The following NEB variants were observed in gnomAD, a reference collection of about 807,000 sequenced individuals.
NEB encodes nemaline myopathy type 2.
Under a neutral mutation model 952.2 loss-of-function variants are expected in NEB, and 512 were observed. The ratio of observed to expected loss-of-function variants is 0.54; its 90% CI spans 0.50 to 0.58. The LOEUF (loss-of-function observed/expected upper bound fraction) is 0.58, where lower values mean the gene tolerates loss of function less well. Among genes scored for constraint, NEB ranks in the 20% least tolerant of loss-of-function variants. The probability of loss-of-function intolerance (pLI) is 0.00; values close to 1 mark genes in which losing one functional copy is unlikely to be tolerated. For synonymous variants in NEB, 2,900 were observed against 3,149.8 expected, an observed-to-expected ratio of 0.92 and a Z score of 2.66; for missense variants, 8,428 against 9,231.1, an observed-to-expected ratio of 0.91 and a Z score of 3.56.
At position 151,694,521 on chromosome 2, in the gene NEB, C is replaced by T; in HGVS notation, c.1782+1G>A. The T allele has an allele frequency of 6.2e-7, 1 of 1,613,686 alleles. No homozygotes were observed. Among genetic ancestry groups the T allele is most frequent in the South Asian group, 1.1e-5 (1 of 91,062 alleles). ...TGTCCAGGTCCCCAGGCCACACTCACATCGCTGGTGTTCTTGGTGTTGGCT... is the reference window on the plus strand; with the variant it reads ...TGTCCAGGTCCCCAGGCCACACTCATATCGCTGGTGTTCTTGGTGTTGGCT... On this transcript the variant is annotated splice_donor_variant, in intron 19 of 181. Coordinates refer to ENST00000397345, the MANE Select transcript of NEB (RefSeq NM_001164508.2). LOFTEE classifies it high-confidence loss of function.
intron 13 of NEB, among the ~76,000 whole-genome samples, chr2:151,703,050 G>A (rs2099682886): frequency 6.6e-6 from 1 of 151,480 alleles, no homozygotes; most frequent in South Asian, 2.1e-4. Context: ...TTTAGGGCAG[G>A]CCTGGTGGTG....
chr2:151,724,470 C>CA, intron 7 of NEB, 106 bp from the exon 8 acceptor site: 1 of 801,896 alleles, frequency 1.2e-6, no homozygotes, highest in Non-Finnish European at 2.1e-6. Flanking sequence ...CAGAGGTTGC[C>CA]AATGGGTTAC....
At chr2:151,636,765 G>T (rs543954741) in intron 63 of NEB, among the ~76,000 whole-genome samples, 26 of 151,268 alleles carry the variant, frequency 1.7e-4, no homozygotes, top group Non-Finnish European at 1.6e-4. Context: ...TGGGCAACAA[G>T]AGTGAAACTC....
intron 153 of NEB, among the ~76,000 whole-genome samples, chr2:151,522,933 C>T (rs1006818993): frequency 7.9e-5 from 12 of 152,154 alleles, no homozygotes; most frequent in African/African-American, 1.7e-4. Flanking sequence ...GCTGTCAATC[C>T]GGAGACCAGC....
At position 151,697,337 on chromosome 2, in the gene NEB, T is replaced by G; in HGVS notation, c.1365+13A>C. 1 of 1,612,236 alleles carries G rather than the reference T, an allele frequency of 6.2e-7. No homozygotes were observed. The highest frequency in any genetic ancestry group is 8.5e-7 in the Non-Finnish European group (1 of 1,178,272). On this transcript the variant is annotated intron_variant, in intron 15 of 181. Coordinates refer to ENST00000397345, the MANE Select transcript of NEB (RefSeq NM_001164508.2). ...TGTTATTTGGAAAGTCAAACAATTGTCTTAGAACTTACATCACTGTTTTGA... is the reference window on the plus strand; with the variant it reads ...TGTTATTTGGAAAGTCAAACAATTGGCTTAGAACTTACATCACTGTTTTGA...
rs370599158 is a variant in NEB, at chr2:151,506,159, T to G, written c.23649+7A>C. ...AAATATTGCAAGTGCATTCACTGTGTCTTTACCGAGCTAATGTGGTCCTGT... is the reference window on the plus strand; with the variant it reads ...AAATATTGCAAGTGCATTCACTGTGGCTTTACCGAGCTAATGTGGTCCTGT... On this transcript the variant is annotated splice_region_variant and intron_variant, in intron 164 of 181. Coordinates refer to ENST00000397345, the MANE Select transcript of NEB (RefSeq NM_001164508.2). 2.5e-6 allele frequency: 4 copies of G among 1,601,060 alleles called. No homozygotes were observed. Among genetic ancestry groups the G allele is most frequent in the African/African-American group, 1.3e-5 (1 of 74,618 alleles).
At chr2:151,640,145 C>T in intron 61 of NEB, 85 bp from the exon 62 acceptor site, 2 of 1,517,270 alleles carry the variant, frequency 1.3e-6, no homozygotes, top group Non-Finnish European at 1.8e-6. Context: ...AGTAAAAGCA[C>T]TCTCAAAATT....
At chr2:151,564,744 A>G (rs2096277947) in intron 117 of NEB, among the ~76,000 whole-genome samples, 1 of 152,132 alleles carries the variant, frequency 6.6e-6, no homozygotes, top group Non-Finnish European at 1.5e-5. Context: ...TTATTATTCT[A>G]TCAATTTAAG....
Position 151,644,072 on chromosome 2 carries a change from T to A in NEB, c.7702A>T (p.Ile2568Phe). The change falls in exon 57 of 182, where the codon ATT becomes TTT. Residue 2568 changes from isoleucine (I) to phenylalanine (F), a missense_variant. This residue lies in a region of NEB where 1,772 missense variants were observed against 1,960.3 expected (regional missense o/e 0.90). Coordinates refer to ENST00000397345, the MANE Select transcript of NEB (RefSeq NM_001164508.2). ...QLGHHIGARN[I>F]EDDPKMMWSM... is the part of the protein sequence containing the mutation. ...CACATCATCTTGGGGTCATCTTCAA[T>A]GTTCCGGGCACCAATGTGGTGGCCG... 6.2e-7 allele frequency: 1 copy of A among 1,614,002 alleles called. No individual in the cohort carries two copies.
rs1157538237 is a variant in NEB at position 151,501,372 on chromosome 2, A to AGAGCTTTCTCCCAAATACC, written c.24021_24021+18dup. 6.8e-7 allele frequency: 1 copy of AGAGCTTTCTCCCAAATACC among 1,470,406 alleles called. No individual in the cohort carries two copies. Among genetic ancestry groups the AGAGCTTTCTCCCAAATACC allele is most frequent in the African/African-American group, 1.4e-5 (1 of 71,266 alleles). The allele number at this position is 1,470,406 out of a possible 1,614,324, so 91.1% of individuals were successfully genotyped here. The stretch of plus-strand genomic sequence containing the variant: ...TTATTATTTTTTAATATGGAGTTAA[A>AGAGCTTTCTCCCAAATACC]GAGCTTTCTCCCAAATACCGAGCTA... On this transcript the variant is annotated intron_variant, in intron 168 of 181. Coordinates refer to ENST00000397345, the MANE Select transcript of NEB (RefSeq NM_001164508.2).
At chr2:151,492,526 C>T in intron 176 of NEB, 32 bp from the exon 177 acceptor site, 6 of 1,495,330 alleles carry the variant, frequency 4.0e-6, no homozygotes, top group Non-Finnish European at 5.6e-6. Context: ...ATGAGTGGTG[C>T]TGTCCTAAAT....
At chr2:151,631,833 A>G (rs1339696022) in intron 65 of NEB, among the ~76,000 whole-genome samples, 2 of 152,242 alleles carry the variant, frequency 1.3e-5, no homozygotes, top group African/African-American at 4.8e-5. Flanking sequence ...ATGTGGGTAG[A>G]TAAATTACAT....
At chr2:151,707,389 C>A (rs1180505475) in intron 12 of NEB, among the ~76,000 whole-genome samples, 1 of 152,152 alleles carries the variant, frequency 6.6e-6, no homozygotes, top group East Asian at 1.9e-4. Context: ...TCACTCAGCT[C>A]TCAACCCCCA....
At chr2:151,513,967 A>T (rs557237512) in intron 159 of NEB, among the ~76,000 whole-genome samples, 3 of 152,362 alleles carry the variant, frequency 2.0e-5, no homozygotes, top group African/African-American at 7.2e-5. Flanking sequence ...TAGAGTATAA[A>T]GTAAATTGTA....
At chr2:151,527,689 A>C in intron 146 of NEB, 104 bp from the exon 147 acceptor site, 1 of 752,178 alleles carries the variant, frequency 1.3e-6, no homozygotes, top group Non-Finnish European at 2.2e-6. Flanking sequence ...ATCTCAAATC[A>C]TGATTCCTAA....
intron 24 of NEB, 88 bp downstream of exon 24, chr2:151,690,639 C>A: frequency 1.1e-6 from 1 of 912,432 alleles, no homozygotes; most frequent in Non-Finnish European, 1.8e-6. Flanking sequence ...GGTAGATGAG[C>A]CCATGAAGAT....
At chr2:151,695,704 T>C (rs2099591222) in intron 17 of NEB, 22 bp from the exon 18 acceptor site, 4 of 1,534,810 alleles carry the variant, frequency 2.6e-6, no homozygotes, top group Non-Finnish European at 3.6e-6. Context: ...AGAGAACCAA[T>C]TAGTTCAGAA....
chr2:151,485,911 T>C lies in NEB; in HGVS notation c.25427A>G (p.Asp8476Gly). Residue 8476 changes from aspartate (D) to glycine (G), a missense_variant, in exon 182 of 182, where the codon GAC (aspartate) becomes GGC (glycine). This residue lies in a region of NEB where 3,374 missense variants were observed against 3,651.5 expected (regional missense o/e 0.92). Transcript: ENST00000397345. ...TAGKIFRAMY[D>G]YMAADADEVS... ...CTCATCTGCATCAGCAGCCATATAG[T>C]CATACATGGCACGGAAGATTTTCTA... 2 of 1,613,818 alleles carry C rather than the reference T, an allele frequency of 1.2e-6. No individual in the cohort carries two copies. The highest frequency in any genetic ancestry group is 1.7e-6 in the Non-Finnish European group (2 of 1,179,792).
chr2:151,685,261 G>T (rs2099486398), intron 27 of NEB, among the ~76,000 whole-genome samples: 1 of 152,044 alleles, frequency 6.6e-6, no homozygotes, highest in South Asian at 2.1e-4. Flanking sequence ...CTAAACCAGG[G>T]TTTCTCAAGG....
Sources: allele counts gnomAD v4.1 joint callset (sites outside exome capture counted in the v4.1 genomes callset), GRCh38; gene constraint gnomAD v4.1.1; regional missense constraint gnomAD v4.1.1; transcripts MANE v1.5; gene names NCBI Gene and HGNC (gene_info 2026-07-23, HGNC 2026-07-21).